Variants in CCDC158 observed in about 807,000 individuals in gnomAD.
CCDC158 encodes the protein coiled-coil domain-containing protein 158.
In CCDC158, 116 loss-of-function variants were observed where a neutral mutation model predicts 138.6. The ratio of observed to expected loss-of-function variants is 0.84; its 90% CI spans 0.72 to 0.98. The LOEUF is 0.98. Among genes scored for constraint, CCDC158 ranks in the 50% least tolerant of loss-of-function variants. CCDC158 has a pLI of 0.00. For synonymous variants in CCDC158, 436 were observed against 442.4 expected, an observed-to-expected ratio of 0.99 and a Z score of 0.18; for missense variants, 1,265 against 1,306.1, an observed-to-expected ratio of 0.97 and a Z score of 0.48.
At chr4:76,359,001 T>C (rs1293324809) in intron 13 of CCDC158, among the ~76,000 whole-genome samples, 1 of 152,172 alleles carries the variant, frequency 6.6e-6, no homozygotes, top group African/African-American at 2.4e-5. Flanking sequence ...GGGAGGTGAT[T>C]GGATCATGGG....
chr4:76,396,245 G>T, intron 4 of CCDC158, 24 bp downstream of exon 4: 1 of 1,527,416 alleles, frequency 6.5e-7, no homozygotes, highest in Non-Finnish European at 9.0e-7. Context: ...ATAGCATCAG[G>T]TGCTAGAAGA....
chr4:76,420,647 C>T (rs1175592706), intron 1 of CCDC158, among the ~76,000 whole-genome samples: 3 of 152,216 alleles, frequency 2.0e-5, no homozygotes, highest in Non-Finnish European at 4.4e-5. Context: ...CGCGGCAGCG[C>T]GGTAGACACA....
intron 24 of CCDC158, among the ~76,000 whole-genome samples, chr4:76,319,072 A>C (rs1030603275): frequency 6.6e-6 from 1 of 152,124 alleles, no homozygotes; most frequent in Non-Finnish European, 1.5e-5. Context: ...GGAGATGAAG[A>C]CCATCCTGGC....
intron 4 of CCDC158, among the ~76,000 whole-genome samples, chr4:76,392,930 G>T (rs746591858): frequency 6.6e-6 from 1 of 151,904 alleles, no homozygotes; most frequent in African/African-American, 2.4e-5. Flanking sequence ...AACCAAAGAA[G>T]TGAAAGACCT....
intron 19 of CCDC158, 107 bp downstream of exon 19, chr4:76,333,902 CT>C: frequency 1.3e-6 from 1 of 744,352 alleles, no homozygotes; most frequent in Non-Finnish European, 2.0e-6. Context: ...ACTTCAGATA[CT>C]TTTAAAGTCA....
chr4:76,388,253 G>A (rs1478006665), intron 4 of CCDC158, among the ~76,000 whole-genome samples: 1 of 152,146 alleles, frequency 6.6e-6, no homozygotes, highest in Admixed American at 6.5e-5. Flanking sequence ...GCCACAGTCG[G>A]GTAGAGCAAC....
chr4:76,344,515 G>T, intron 18 of CCDC158: 1 of 829,228 alleles, frequency 1.2e-6, no homozygotes. Flanking sequence ...TCCAGCCAGT[G>T]CCTGATGTGC....
intron 12 of CCDC158, among the ~76,000 whole-genome samples, chr4:76,363,010 C>T (rs550666324): frequency 6.6e-6 from 1 of 152,286 alleles, no homozygotes; most frequent in East Asian, 1.9e-4. Flanking sequence ...AGGCCGCTTA[C>T]AAGGTTGGCC....
intron 23 of CCDC158, among the ~76,000 whole-genome samples, chr4:76,324,665 C>T (rs538685523): frequency 4.0e-5 from 6 of 151,858 alleles, no homozygotes; most frequent in African/African-American, 1.2e-4. Flanking sequence ...ACATGGAGGC[C>T]GAAGCAACTC....
chr4:76,344,303 T>A (rs1722337010), intron 18 of CCDC158, among the ~76,000 whole-genome samples: 2 of 152,200 alleles, frequency 1.3e-5, no homozygotes, highest in African/African-American at 4.8e-5. Context: ...ACAAGGGATG[T>A]GAGGGACCTC....
intron 4 of CCDC158, among the ~76,000 whole-genome samples, chr4:76,392,533 T>C (rs985444441): frequency 1.3e-5 from 2 of 152,122 alleles, no homozygotes; most frequent in East Asian, 1.9e-4. Context: ...GCTAGTATCA[T>C]ACTGAAGGGA....
intron 18 of CCDC158, among the ~76,000 whole-genome samples, chr4:76,341,419 T>C (rs1435173098): frequency 6.6e-6 from 1 of 152,226 alleles, no homozygotes; most frequent in South Asian, 2.1e-4. Context: ...AAATGGAATA[T>C]AAGTATACCA....
chr4:76,347,892 T>C (rs2110158437), intron 18 of CCDC158, among the ~76,000 whole-genome samples: 1 of 152,234 alleles, frequency 6.6e-6, no homozygotes, highest in South Asian at 2.1e-4. Flanking sequence ...ATAATTATCA[T>C]GTGCCAATTT....
intron 2 of CCDC158, among the ~76,000 whole-genome samples, chr4:76,403,887 C>T (rs1560479291): frequency 6.6e-6 from 1 of 152,068 alleles, no homozygotes; most frequent in Non-Finnish European, 1.5e-5. Context: ...CACTACAAGC[C>T]TAGGGGTACA....
rs76302394 is a variant in CCDC158 at position 76,362,216 on chromosome 4, G to A, written c.1930C>T (p.Arg644Trp). 300 of 1,614,016 alleles carry A rather than the reference G, an allele frequency of 1.9e-4. No individual in the cohort carries two copies. The African/African-American group carries it at 3.7e-3, about 20-fold the overall frequency. ...TTGATGTCCTTCACTGCACGGAGCC[G>A]CTCAGAGCCTGCATTCACCAGCTTC... ...KVKLVNAGSE[R>W]LRAVKDIKQE... The change falls in exon 13 of 25, where the codon CGG becomes TGG. Residue 644 changes from arginine to tryptophan, a missense_variant. Physicochemically the swap from Arg to Trp is moderately radical, Grantham distance 101. Transcript: ENST00000682701.
chr4:76,377,682 G>C (rs918916489), intron 9 of CCDC158, among the ~76,000 whole-genome samples: 1 of 152,224 alleles, frequency 6.6e-6, no homozygotes, highest in Admixed American at 6.5e-5. Flanking sequence ...GAGAGGCAGA[G>C]AAAAGCGTGT....
At chr4:76,340,645 C>T (rs1578908566) in intron 18 of CCDC158, among the ~76,000 whole-genome samples, 1 of 151,650 alleles carries the variant, frequency 6.6e-6, no homozygotes, top group Non-Finnish European at 1.5e-5. Context: ...TAAGCAACAC[C>T]CTTCGGGTGT....
intron 13 of CCDC158, among the ~76,000 whole-genome samples, chr4:76,359,407 C>T (rs770360691): frequency 9.2e-5 from 14 of 152,130 alleles, no homozygotes; most frequent in Admixed American, 2.6e-4. Flanking sequence ...TTGGAGAGAT[C>T]AGAAGAAGAC....
intron 14 of CCDC158, 30 bp from the exon 15 acceptor site, chr4:76,355,466 T>A: frequency 7.1e-7 from 1 of 1,402,800 alleles, no homozygotes; most frequent in Non-Finnish European, 1.0e-6. Flanking sequence ...AAACTATGCC[T>A]TAGGTTCTTA....
Sources: allele counts gnomAD v4.1 joint callset (sites outside exome capture counted in the v4.1 genomes callset), GRCh38; gene constraint gnomAD v4.1.1; transcripts MANE v1.5; gene names NCBI Gene and HGNC (gene_info 2026-07-23, HGNC 2026-07-21).